The following ANO3 variants were observed in gnomAD, a reference collection of about 807,000 sequenced individuals.
The protein encoded by ANO3 is anoctamin 3.
ANO3 carries 99 observed loss-of-function variants against 144.8 expected under a neutral mutation model. That is an observed-to-expected ratio of 0.68 (90% CI 0.58 to 0.81). ANO3 has a LOEUF of 0.81. ANO3 is among the 30% of genes least tolerant of loss of function. The pLI is 0.00. For synonymous variants in ANO3, 414 were observed against 392.6 expected, an observed-to-expected ratio of 1.05 and a Z score of -0.64; for missense variants, 905 against 1,202.2, an observed-to-expected ratio of 0.75 and a Z score of 3.66.
At chr11:26,275,011 G>T (rs577837053) in intron 1 of ANO3, among the ~76,000 whole-genome samples, 1 of 151,806 alleles carries the variant, frequency 6.6e-6, no homozygotes, top group African/African-American at 2.4e-5. Context: ...AATTTAAAAG[G>T]TTACCTCAAA....
rs150518287 is a variant in ANO3, at chr11:26,508,037, G to A, written c.433-67G>A. The A allele has an allele frequency of 1.9e-3, 2,644 of 1,410,172 alleles. 5 individuals are homozygous for A. The highest frequency in any genetic ancestry group is 2.6e-3 in the African/African-American group (174 of 67,000). 87.4% of individuals were successfully genotyped at this position (1,410,172 alleles called of 1,614,324 possible). On this transcript the variant is annotated intron_variant, in intron 4 of 26. Transcript: ENST00000256737. ...TTGTATTGCCAGTGTTCAAATGGCA[G>A]TAACTGTAACTAAAACATACATGCT...
intron 1 of ANO3, among the ~76,000 whole-genome samples, chr11:26,267,027 G>A (rs996370902): frequency 6.6e-6 from 1 of 151,378 alleles, no homozygotes; most frequent in Non-Finnish European, 1.5e-5. Flanking sequence ...TGGAGGCAGA[G>A]CTTGCAGTCA....
chr11:26,547,365 A>G lies in ANO3; in HGVS notation c.1155-51A>G, dbSNP rs375020840. The G allele has an allele frequency of 9.4e-5, 149 of 1,579,944 alleles. No homozygotes were observed. The African/African-American group carries it at 1.9e-3, about 20-fold the overall frequency. ...ACTAGGTGTGGCATCAATATTTGTA[A>G]TATTGCTTATGTTGCCTTAACTCAG... On this transcript the variant is annotated intron_variant, in intron 11 of 26. Coordinates refer to ENST00000256737, the MANE Select transcript of ANO3 (RefSeq NM_031418.4).
intron 3 of ANO3, among the ~76,000 whole-genome samples, chr11:26,448,496 T>C (rs1411217062): frequency 6.6e-6 from 1 of 152,144 alleles, no homozygotes; most frequent in Non-Finnish European, 1.5e-5. Flanking sequence ...CATAATAGTT[T>C]AGCTCAGTGG....
intron 4 of ANO3, among the ~76,000 whole-genome samples, chr11:26,480,299 G>T (rs1276561356): frequency 1.3e-5 from 2 of 152,092 alleles, no homozygotes; most frequent in African/African-American, 4.8e-5. Flanking sequence ...ATTAAAAGCA[G>T]ATCACCAGTT....
intron 4 of ANO3, among the ~76,000 whole-genome samples, chr11:26,465,108 A>G (rs1391042332): frequency 1.4e-5 from 2 of 147,056 alleles, no homozygotes; most frequent in African/African-American, 5.0e-5. Context: ...TTCTCTTATT[A>G]TACCCCATCA....
rs1327261033 is a variant in ANO3, at chr11:26,339,834, TG to T, written c.46+7514del. On this transcript the variant is annotated intron_variant, in intron 1 of 26. Transcript: ENST00000256737. Reference sequence around the variant, plus strand: ...AGCGTATTAGTACAACCATCCTGGCTGTCCGTTTGGTTATTCTTTCCTCTTA... The same window carrying T: ...AGCGTATTAGTACAACCATCCTGGCTTCCGTTTGGTTATTCTTTCCTCTTA... Among the ~76,000 whole-genome samples, 43 of 152,350 alleles carry T rather than the reference TG, an allele frequency of 2.8e-4. 1 individual carries two copies. The East Asian group carries it at 4.2e-3, about 15-fold the overall frequency.
intron 1 of ANO3, among the ~76,000 whole-genome samples, chr11:26,403,029 A>G (rs1857189326): frequency 6.6e-6 from 1 of 151,802 alleles, no homozygotes; most frequent in African/African-American, 2.4e-5. Context: ...CTTACAACTT[A>G]TTCGATGGAC....
At chr11:26,298,729 T>A (rs139552476) in intron 1 of ANO3, among the ~76,000 whole-genome samples, 1 of 152,298 alleles carries the variant, frequency 6.6e-6, no homozygotes, top group East Asian at 1.9e-4. Context: ...ATTTAGGAGA[T>A]GTACAATAGA....
chr11:26,532,727 G>A (rs1482887516), intron 8 of ANO3, among the ~76,000 whole-genome samples: 1 of 151,664 alleles, frequency 6.6e-6, no homozygotes, highest in Non-Finnish European at 1.5e-5. Flanking sequence ...ATCTTCATAT[G>A]GCGTAGTCCT....
chr11:26,392,718 G>A (rs1005011322), intron 1 of ANO3, among the ~76,000 whole-genome samples: 9 of 152,154 alleles, frequency 5.9e-5, no homozygotes, highest in South Asian at 4.1e-4. Flanking sequence ...TTGGCATTAC[G>A]TTTTTGAGAG....
chr11:26,571,794 C>G (rs1850837453), intron 14 of ANO3, among the ~76,000 whole-genome samples: 1 of 152,094 alleles, frequency 6.6e-6, no homozygotes, highest in Non-Finnish European at 1.5e-5. Flanking sequence ...TCTGCTGGTT[C>G]TGTAATCTAG....
intron 1 of ANO3, among the ~76,000 whole-genome samples, chr11:26,203,951 TTC>T (rs1235346707): frequency 1.3e-5 from 2 of 152,168 alleles, no homozygotes; most frequent in Non-Finnish European, 2.9e-5. Flanking sequence ...TTTCCACTCT[TTC>T]TCTCACAGTT....
chr11:26,410,980 G>A (rs1261961059), intron 1 of ANO3, among the ~76,000 whole-genome samples: 2 of 151,986 alleles, frequency 1.3e-5, no homozygotes, highest in African/African-American at 2.4e-5. Context: ...ATCTTCAACA[G>A]GGGGCTTATC....
At chr11:26,574,198 C>T (rs1850929691) in intron 14 of ANO3, among the ~76,000 whole-genome samples, 1 of 152,184 alleles carries the variant, frequency 6.6e-6, no homozygotes. Context: ...TTTCACAATA[C>T]ATACTGGGAG....
intron 1 of ANO3, among the ~76,000 whole-genome samples, chr11:26,423,658 T>C (rs903743070): frequency 6.6e-6 from 1 of 152,022 alleles, no homozygotes; most frequent in Admixed American, 6.6e-5. Context: ...TATCAAAATA[T>C]ATTTTCGAGT....
At position 26,346,454 on chromosome 11, in the gene ANO3, T is replaced by A. The variant is rs77866509; in HGVS notation, c.46+14133T>A. Reference sequence around the variant, plus strand: ...CACAATCTCTACTTGTTTTACCATCTCAAAAAGACTCTCATTGCATGCTAT... The same window carrying A: ...CACAATCTCTACTTGTTTTACCATCACAAAAAGACTCTCATTGCATGCTAT... On this transcript the variant is annotated intron_variant, in intron 1 of 26. Coordinates refer to ENST00000256737, the MANE Select transcript of ANO3 (RefSeq NM_031418.4). Among the ~76,000 whole-genome samples, 3 of 152,210 alleles carry A rather than the reference T, an allele frequency of 2.0e-5. No individual in the cohort carries two copies. In the South Asian group the frequency reaches 6.2e-4, roughly 32 times the overall value.
At chr11:26,642,158 C>G in intron 22 of ANO3, 129 bp downstream of exon 22, 1 of 964,310 alleles carries the variant, frequency 1.0e-6, no homozygotes, top group Non-Finnish European at 1.5e-6. Flanking sequence ...AACACGTCTG[C>G]ACCTTCATCT....
intron 8 of ANO3, among the ~76,000 whole-genome samples, chr11:26,532,383 C>T (rs1400782594): frequency 1.3e-5 from 2 of 152,050 alleles, no homozygotes; most frequent in Non-Finnish European, 2.9e-5. Flanking sequence ...ATCTGTGATA[C>T]ACCAAATGAA....
Sources: allele counts gnomAD v4.1 joint callset (sites outside exome capture counted in the v4.1 genomes callset), GRCh38; gene constraint gnomAD v4.1.1; transcripts MANE v1.5; gene names NCBI Gene and HGNC (gene_info 2026-07-23, HGNC 2026-07-21).